XDH: variants seen among roughly 807,000 people sequenced by gnomAD.
The protein encoded by XDH is xanthine dehydrogenase.
A neutral mutation model predicts 156.1 loss-of-function variants in XDH; 138 were observed. The observed-to-expected ratio is 0.88, with a 90% CI of 0.77 to 1.02. The LOEUF (loss-of-function observed/expected upper bound fraction) is 1.02, where lower values mean the gene tolerates loss of function less well. XDH is among the 50% of genes least tolerant of loss of function. XDH has a pLI of 0.00. For synonymous variants in XDH, 669 were observed against 625.7 expected, an observed-to-expected ratio of 1.07 and a Z score of -1.03; for missense variants, 1,849 against 1,684.9, an observed-to-expected ratio of 1.10 and a Z score of -1.71.
intron 6 of XDH, among the ~76,000 whole-genome samples, chr2:31,397,295 G>A (rs889504751): frequency 1.3e-5 from 2 of 152,184 alleles, no homozygotes; most frequent in Admixed American, 6.5e-5. Flanking sequence ...GCTGAGCAAG[G>A]CCACGTTGTT....
In XDH at chr2:31,345,119, G is replaced by A. The variant is rs1054307918; in HGVS notation, c.3352-383C>T. Among the ~76,000 whole-genome samples the A allele has an allele frequency of 8.5e-5, 13 of 152,084 alleles. No homozygotes were observed. In the East Asian group the frequency reaches 1.7e-3, roughly 20 times the overall value. On this transcript the variant is annotated intron_variant, in intron 30 of 35. Coordinates refer to ENST00000379416, the MANE Select transcript of XDH (RefSeq NM_000379.4). The stretch of plus-strand genomic sequence containing the variant: ...GTCTCTCTGGCATTTTGCAGCACAC[G>A]AGGGCCACCCCAGCCACACTCAAGA...
intron 29 of XDH, 33 bp downstream of exon 29, chr2:31,347,487 GCC>G: frequency 1.9e-6 from 3 of 1,612,516 alleles, no homozygotes; most frequent in Non-Finnish European, 2.5e-6. Context: ...CTCTGGGCTG[GCC>G]CTCTGCTCTG....
At chr2:31,375,026 T>TTC (rs1553416292) in intron 15 of XDH, among the ~76,000 whole-genome samples, 3 of 124,736 alleles carry the variant, frequency 2.4e-5, no homozygotes, top group South Asian at 2.7e-4. Flanking sequence ...TTTCTTTCTT[T>TTC]TTTTTTTTTT....
At chr2:31,411,556 C>T (rs900485616) in intron 1 of XDH, among the ~76,000 whole-genome samples, 3 of 152,018 alleles carry the variant, frequency 2.0e-5, no homozygotes, top group African/African-American at 7.2e-5. Context: ...TTAGTATTTC[C>T]TTGTATTCTT....
chr2:31,382,321 A>G (rs1159591180), intron 11 of XDH, among the ~76,000 whole-genome samples: 1 of 152,152 alleles, frequency 6.6e-6, no homozygotes, highest in Non-Finnish European at 1.5e-5. Context: ...TTCCTTATCT[A>G]TAATCAGAAG....
At chr2:31,350,745 C>G (rs749220909) in intron 24 of XDH, among the ~76,000 whole-genome samples, 15 of 152,124 alleles carry the variant, frequency 9.9e-5, no homozygotes, top group Non-Finnish European at 1.6e-4. Flanking sequence ...CATTCCAGAG[C>G]CTCTAGTTGG....
intron 14 of XDH, 134 bp downstream of exon 14, chr2:31,376,919 A>G: frequency 8.7e-7 from 1 of 1,151,390 alleles, no homozygotes; most frequent in Non-Finnish European, 1.3e-6. Flanking sequence ...CAGTAGTAGC[A>G]GCAGTAGCAG....
intron 24 of XDH, among the ~76,000 whole-genome samples, chr2:31,363,818 A>G (rs1348334247): frequency 6.6e-6 from 1 of 152,070 alleles, no homozygotes; most frequent in Non-Finnish European, 1.5e-5. Flanking sequence ...ATATAGTAAT[A>G]TATATTAGTA....
At chr2:31,408,295 A>G (rs1179064020) in intron 1 of XDH, among the ~76,000 whole-genome samples, 1 of 152,222 alleles carries the variant, frequency 6.6e-6, no homozygotes. Context: ...TTCTTCATAA[A>G]GGCTTTCCTT....
At chr2:31,359,794 G>C (rs531061102) in intron 24 of XDH, among the ~76,000 whole-genome samples, 29 of 152,260 alleles carry the variant, frequency 1.9e-4, no homozygotes, top group Admixed American at 3.9e-4. Context: ...TTAGGATATT[G>C]TTTTAGAAAA....
intron 5 of XDH, among the ~76,000 whole-genome samples, chr2:31,397,966 C>T (rs952311942): frequency 2.6e-5 from 4 of 152,182 alleles, no homozygotes; most frequent in African/African-American, 9.7e-5. Context: ...AGTCAGGTAC[C>T]TCTCCTAAGT....
Position 31,370,269 on chromosome 2 carries a change from C to T in XDH, c.1980+86G>A, listed in dbSNP as rs1686036854. On this transcript the variant is annotated intron_variant, in intron 18 of 35. Coordinates refer to ENST00000379416, the MANE Select transcript of XDH (RefSeq NM_000379.4). The stretch of plus-strand genomic sequence containing the variant: ...TAATCCATGCAAATGTATAACCTTT[C>T]CAGATCAGGAGTTTGGAGCAATGTA... 8.7e-6 allele frequency: 13 copies of T among 1,491,454 alleles called. No homozygotes were observed. In the South Asian group the frequency reaches 1.4e-4, roughly 16 times the overall value. 92.4% of individuals were successfully genotyped at this position (1,491,454 alleles called of 1,614,324 possible). A position where few individuals can be genotyped will look rare whatever the true frequency, so the allele number is the denominator to read the frequency against.
At chr2:31,388,620 C>T (rs1426476972) in intron 6 of XDH, among the ~76,000 whole-genome samples, 2 of 152,218 alleles carry the variant, frequency 1.3e-5, no homozygotes, top group Non-Finnish European at 2.9e-5. Context: ...AGTGCTGCTT[C>T]CTCAGGAAGC....
At chr2:31,370,209 A>G (rs1441029446) in intron 18 of XDH, 146 bp downstream of exon 18, 3 of 910,660 alleles carry the variant, frequency 3.3e-6, no homozygotes, top group Non-Finnish European at 5.0e-6. Flanking sequence ...ATCTTTTTGG[A>G]TTGTCCTGAA....
At chr2:31,372,082 C>A in intron 17 of XDH, 146 bp downstream of exon 17, 3 of 1,207,624 alleles carry the variant, frequency 2.5e-6, no homozygotes, top group Admixed American at 1.7e-5. Flanking sequence ...CCTATAAGGT[C>A]TTCCCCTCTC....
chr2:31,406,554 C>A (rs1687195478), intron 1 of XDH, among the ~76,000 whole-genome samples: 1 of 152,222 alleles, frequency 6.6e-6, no homozygotes, highest in Admixed American at 6.5e-5. Context: ...TACAGCCAGA[C>A]AATGTATATA....
chr2:31,398,836 C>T (rs1686984021), intron 4 of XDH, 137 bp from the exon 5 acceptor site: 2 of 1,402,026 alleles, frequency 1.4e-6, no homozygotes, highest in Non-Finnish European at 2.0e-6. Context: ...CCAGTGCCAC[C>T]ATTTACCAAC....
chr2:31,361,665 A>G (rs1288921388), intron 24 of XDH, among the ~76,000 whole-genome samples: 6 of 152,232 alleles, frequency 3.9e-5, no homozygotes, highest in Non-Finnish European at 7.3e-5. Flanking sequence ...CCTGAGATTT[A>G]AGCACTATGA....
chr2:31,380,681 T>C (rs75144831), intron 12 of XDH, among the ~76,000 whole-genome samples: 2 of 152,378 alleles, frequency 1.3e-5, no homozygotes, highest in East Asian at 3.9e-4. Flanking sequence ...CTCCAGACTT[T>C]GCTCCCATGT....
Sources: allele counts gnomAD v4.1 joint callset (sites outside exome capture counted in the v4.1 genomes callset), GRCh38; gene constraint gnomAD v4.1.1; transcripts MANE v1.5; gene names NCBI Gene and HGNC (gene_info 2026-07-23, HGNC 2026-07-21).